Variants in MCF2L2 observed in about 807,000 individuals in gnomAD.
MCF2L2 encodes the protein MCF.2 cell line derived transforming sequence-like 2.
In MCF2L2, 102 loss-of-function variants were observed where a neutral mutation model predicts 150.2. That is an observed-to-expected ratio of 0.68 (90% CI 0.58 to 0.80). The LOEUF is 0.80. Ranked by LOEUF, MCF2L2 falls within the 30% of genes least tolerant of loss-of-function variation. The pLI is 0.00. For missense variants in MCF2L2, 1,256 were observed against 1,372.8 expected, an observed-to-expected ratio of 0.91 and a Z score of 1.34; for synonymous variants, 465 against 491.3, an observed-to-expected ratio of 0.95 and a Z score of 0.71.
At chr3:183,353,865 T>C (rs1711611212) in intron 3 of MCF2L2, among the ~76,000 whole-genome samples, 1 of 152,138 alleles carries the variant, frequency 6.6e-6, no homozygotes. Context: ...CCATATTCAG[T>C]CAAATATTCC....
chr3:183,388,700 T>G (rs1425517162), intron 2 of MCF2L2, among the ~76,000 whole-genome samples: 1 of 152,086 alleles, frequency 6.6e-6, no homozygotes, highest in East Asian at 1.9e-4. Flanking sequence ...ACCAGAGAAT[T>G]CCCCCAGAAT....
intron 27 of MCF2L2, 104 bp from the exon 28 acceptor site, chr3:183,180,263 C>T: frequency 1.3e-6 from 1 of 745,596 alleles, no homozygotes; most frequent in Non-Finnish European, 2.4e-6. Flanking sequence ...GCACGGTCCT[C>T]CCCATCTCTA....
At chr3:183,211,906 T>G (rs1184200320) in intron 22 of MCF2L2, among the ~76,000 whole-genome samples, 1 of 152,194 alleles carries the variant, frequency 6.6e-6, no homozygotes, top group African/African-American at 2.4e-5. Flanking sequence ...CTCATGTCTA[T>G]GAGACCCTCA....
chr3:183,365,659 A>G (rs1005209491), intron 3 of MCF2L2, among the ~76,000 whole-genome samples: 1 of 152,224 alleles, frequency 6.6e-6, no homozygotes, highest in Admixed American at 6.5e-5. Context: ...ACTACATTAC[A>G]GGAAAGCATG....
rs111911093 is a variant in MCF2L2, at chr3:183,400,231, A to G, written c.77-10452T>C. 2,146 of 308,942 alleles carry G rather than the reference A, an allele frequency of 6.9e-3. 46 individuals are homozygous for G. The highest frequency in any genetic ancestry group is 0.043 in the African/African-American group (1,980 of 46,030). 19.1% of individuals were successfully genotyped at this position (308,942 alleles called of 1,614,324 possible). On this transcript the variant is annotated intron_variant, in intron 1 of 29. Coordinates refer to ENST00000328913, the MANE Select transcript of MCF2L2 (RefSeq NM_015078.4). ...AAAACTTCTTCACAAAAAACTTGAG[A>G]CGGTACTGCAAAGTAAGATTTTTTT...
intron 10 of MCF2L2, among the ~76,000 whole-genome samples, chr3:183,302,381 C>T (rs1560010315): frequency 6.6e-6 from 1 of 152,116 alleles, no homozygotes; most frequent in African/African-American, 2.4e-5. Context: ...AGGGACAAGC[C>T]GTGCAGTACT....
At chr3:183,395,220 C>T (rs1001891130) in intron 1 of MCF2L2, among the ~76,000 whole-genome samples, 1 of 151,972 alleles carries the variant, frequency 6.6e-6, no homozygotes, top group Non-Finnish European at 1.5e-5. Flanking sequence ...GATGTTTTTA[C>T]CAGAGTGAAA....
chr3:183,352,714 G>T (rs1711550577), intron 3 of MCF2L2, among the ~76,000 whole-genome samples: 1 of 152,282 alleles, frequency 6.6e-6, no homozygotes, highest in East Asian at 1.9e-4. Context: ...ACCAATGGCA[G>T]GGTATACCCC....
intron 25 of MCF2L2, 85 bp downstream of exon 25, chr3:183,205,791 T>C: frequency 9.9e-7 from 1 of 1,009,836 alleles, no homozygotes; most frequent in Non-Finnish European, 1.5e-6. Flanking sequence ...AACCATTTTC[T>C]TTCACAATAT....
chr3:183,210,674 C>G (rs1466234640), intron 22 of MCF2L2, among the ~76,000 whole-genome samples: 1 of 152,168 alleles, frequency 6.6e-6, no homozygotes, highest in African/African-American at 2.4e-5. Flanking sequence ...GAGGTGTACA[C>G]TCTCTAATGA....
chr3:183,217,270 G>T (rs1220129549), intron 21 of MCF2L2, among the ~76,000 whole-genome samples: 4 of 137,262 alleles, frequency 2.9e-5, no homozygotes, highest in Non-Finnish European at 6.1e-5. Context: ...CTCCAGCCTG[G>T]GTAACAAGAG....
chr3:183,335,696 C>T, intron 5 of MCF2L2, among the ~76,000 whole-genome samples: 1 of 136,358 alleles, frequency 7.3e-6, no homozygotes, highest in Non-Finnish European at 1.5e-5. Flanking sequence ...AGCAAAACCC[C>T]CTCTCTAAAA....
At chr3:183,185,054 A>C (rs1219572453) in intron 27 of MCF2L2, among the ~76,000 whole-genome samples, 2 of 151,840 alleles carry the variant, frequency 1.3e-5, no homozygotes, top group Non-Finnish European at 2.9e-5. Flanking sequence ...GTAGCTGGGG[A>C]CTACAGGCGC....
intron 1 of MCF2L2, among the ~76,000 whole-genome samples, chr3:183,418,239 C>T (rs1030573417): frequency 6.6e-6 from 1 of 152,104 alleles, no homozygotes; most frequent in African/African-American, 2.4e-5. Context: ...AACTCCCCCA[C>T]TATCATGAGA....
At chr3:183,278,530 T>C (rs1462059034) in intron 14 of MCF2L2, among the ~76,000 whole-genome samples, 5 of 152,246 alleles carry the variant, frequency 3.3e-5, no homozygotes, top group Non-Finnish European at 7.3e-5. Flanking sequence ...TTGTATCCTT[T>C]TGCAGTTTCT....
chr3:183,411,164 G>C (rs1419129057), intron 1 of MCF2L2, among the ~76,000 whole-genome samples: 5 of 151,820 alleles, frequency 3.3e-5, no homozygotes, highest in Non-Finnish European at 7.4e-5. Context: ...TTTTGGCTTT[G>C]TTAATGTGAA....
At chr3:183,253,606 C>T (rs1724714876) in intron 15 of MCF2L2, 1 of 152,292 alleles carries the variant, frequency 6.6e-6, no homozygotes, top group Non-Finnish European at 1.5e-5. Context: ...GAGCTCCACG[C>T]ATAAGTGGTG....
chr3:183,359,082 G>A (rs1048128949), intron 3 of MCF2L2, among the ~76,000 whole-genome samples: 1 of 151,128 alleles, frequency 6.6e-6, no homozygotes. Context: ...AGTTTGCCAA[G>A]GTCACTGCTG....
chr3:183,338,601 C>T (rs1730582545), intron 5 of MCF2L2, among the ~76,000 whole-genome samples, 199 bp downstream of exon 5: 2 of 152,130 alleles, frequency 1.3e-5, no homozygotes, highest in African/African-American at 4.8e-5. Flanking sequence ...CGTGCTCCAA[C>T]AAAAATGAGG....
Sources: allele counts gnomAD v4.1 joint callset (sites outside exome capture counted in the v4.1 genomes callset), GRCh38; gene constraint gnomAD v4.1.1; transcripts MANE v1.5; gene names NCBI Gene and HGNC (gene_info 2026-07-23, HGNC 2026-07-21).